Variants in EMP3 observed in about 807,000 individuals in gnomAD.
The protein encoded by EMP3 is epithelial membrane protein 3.
EMP3 carries 15 observed loss-of-function variants against 21.6 expected under a neutral mutation model. That is an observed-to-expected ratio of 0.69 (90% CI 0.46 to 1.07). The LOEUF (loss-of-function observed/expected upper bound fraction) is 1.07, where lower values mean the gene tolerates loss of function less well. Among genes scored for constraint, EMP3 ranks in the 50% least tolerant of loss-of-function variants. The probability of loss-of-function intolerance (pLI) is 0.00; values close to 1 mark genes in which losing one functional copy is unlikely to be tolerated. For synonymous variants in EMP3, 107 were observed against 86.1 expected (o/e 1.24, Z -1.34); for missense variants, 183 against 206.6 (o/e 0.89, Z 0.70).
Position 48,329,335 on chromosome 19 carries a change from T to G in EMP3, c.182-17T>G. The G allele has an allele frequency of 1.2e-6, 2 of 1,613,998 alleles. No individual in the cohort carries two copies. The highest frequency in any genetic ancestry group is 2.2e-5 in the South Asian group (2 of 91,080). ...GGACCCACGGTGATGTCCCCCTCTG[T>G]GTCCTCCTTACTGCAGGCTGGCTGA... On this transcript the variant is annotated splice_polypyrimidine_tract_variant and intron_variant, in intron 3 of 4. Transcript: ENST00000270221. The surrounding 1 kb of genome is among the most constrained non-coding windows in gnomAD (Gnocchi z 4.5).
intron 3 of EMP3, among the ~76,000 whole-genome samples, chr19:48,328,556 G>C (rs1444065517): frequency 2.0e-5 from 3 of 152,112 alleles, no homozygotes; most frequent in African/African-American, 7.2e-5. Flanking sequence ...AAGGGGATGG[G>C]GCTGAAACCA....
intron 2 of EMP3, among the ~76,000 whole-genome samples, 173 bp from the exon 3 acceptor site, chr19:48,327,348 G>T (rs573051045): frequency 7.2e-5 from 11 of 151,918 alleles, no homozygotes; most frequent in Non-Finnish European, 1.3e-4. Flanking sequence ...CTCTACCTCC[G>T]ATGCCTCCTC....
Position 48,329,490 on chromosome 19 carries a change from C to T in EMP3, c.320C>T (p.Thr107Ile), listed in dbSNP as rs144587503. ...FYATGLCQLCTSVAVFTGALI... is the reference protein window; with the variant it reads ...FYATGLCQLCISVAVFTGALI... ...GCCACCGGCCTCTGCCAGCTTTGCA[C>T]CAGTGAGCACTGCCCCTCCCCAACC... The change falls in exon 4 of 5, where the codon ACC becomes ATC. Residue 107 changes from threonine (T) to isoleucine (I), a missense_variant and splice_region_variant. Transcript: ENST00000270221. This position sits in a 1 kb window ranked among gnomAD's most constrained non-coding sequence, Gnocchi z 4.5. 3.1e-6 allele frequency: 5 copies of T among 1,614,070 alleles called. No homozygotes were observed. In the African/African-American group the frequency reaches 4.0e-5, roughly 13 times the overall value.
chr19:48,329,258 G>A lies in EMP3; in HGVS notation c.182-94G>A. ...TTGTATGGGCCTAAACGGGAGCAGG[G>A]ATGGGGCAGAGAAGGGTCACATGGT... On this transcript the variant is annotated intron_variant, in intron 3 of 4. Transcript: ENST00000270221. The surrounding 1 kb of genome is among the most constrained non-coding windows in gnomAD (Gnocchi z 4.5). The A allele has an allele frequency of 2.6e-6, 4 of 1,519,992 alleles. No homozygotes were observed. The highest frequency in any genetic ancestry group is 2.5e-5 in the South Asian group (2 of 81,480). The allele number at this position is 1,519,992 out of a possible 1,614,324, so 94.2% of individuals were successfully genotyped here.
At chr19:48,327,735 T>G in intron 3 of EMP3, 112 bp downstream of exon 3, 1 of 976,278 alleles carries the variant, frequency 1.0e-6, no homozygotes, top group Non-Finnish European at 1.6e-6. Context: ...GTGGGCGGGG[T>G]CCAGGCCTGA....
chr19:48,327,564 A>G lies in EMP3; in HGVS notation c.122A>G (p.Tyr41Cys). 1 of 1,613,872 alleles carries G rather than the reference A, an allele frequency of 6.2e-7. No individual in the cohort carries two copies. Among genetic ancestry groups the G allele is most frequent in the Non-Finnish European group, 8.5e-7 (1 of 1,179,952 alleles). ...LPGKESLNLW[Y>C]DCTWNNDTKT... is the part of the protein sequence containing the mutation. ...GGGAAAGAGTCCCTGAATCTCTGGT[A>G]CGACTGCACGTGGAACAACGACACC... The change falls in exon 3 of 5, where the codon TAC becomes TGC. Residue 41 changes from tyrosine (Y) to cysteine (C), a missense_variant. Coordinates refer to ENST00000270221, the MANE Select transcript of EMP3 (RefSeq NM_001425.3).
rs1268500610 is a variant in EMP3, at chr19:48,329,829, C to A, written c.322+337C>A. On this transcript the variant is annotated intron_variant, in intron 4 of 4. Coordinates refer to ENST00000270221, the MANE Select transcript of EMP3 (RefSeq NM_001425.3). The surrounding 1 kb of genome is among the most constrained non-coding windows in gnomAD (Gnocchi z 4.5). ...ACGTGGGGGGATAAACTAATTAGTA[C>A]CTCAGTAGAGAGCTCTAAATCATAA... 2.0e-5 allele frequency among the ~76,000 whole-genome samples: 3 copies of A among 152,102 alleles called. No individual in the cohort carries two copies. Among genetic ancestry groups the A allele is most frequent in the Non-Finnish European group, 4.4e-5 (3 of 68,034 alleles).
rs201392469 is a variant in EMP3, at chr19:48,327,565, C to G, written c.123C>G (p.Tyr41Ter). 1.0e-4 allele frequency: 168 copies of G among 1,613,834 alleles called. No homozygotes were observed. In the Middle Eastern group the frequency reaches 1.5e-3, roughly 14 times the overall value. Residue 41 changes from tyrosine (Y) to a stop codon, truncating the protein, a stop_gained, in exon 3 of 5, where the codon TAC (tyrosine) becomes TAG (stop). Coordinates refer to ENST00000270221, the MANE Select transcript of EMP3 (RefSeq NM_001425.3). LOFTEE classifies it high-confidence loss of function. ...LPGKESLNLW[Y>*]DCTWNNDTKT... ...GGAAAGAGTCCCTGAATCTCTGGTA[C>G]GACTGCACGTGGAACAACGACACCA... is the stretch of plus-strand genomic sequence containing the variant.
rs772609897 is a variant in EMP3, at chr19:48,330,551, C to A, written c.*81C>A. The A allele has an allele frequency of 1.6e-6, 2 of 1,287,640 alleles. No homozygotes were observed. The highest frequency in any genetic ancestry group is 2.1e-6 in the Non-Finnish European group (2 of 955,916). The allele number at this position is 1,287,640 out of a possible 1,614,324, so 79.8% of individuals were successfully genotyped here. A position where few individuals can be genotyped will look rare whatever the true frequency, so the allele number is the denominator to read the frequency against. On this transcript the variant is annotated 3_prime_UTR_variant, in exon 5 of 5. Transcript: ENST00000270221. ...CCTCCAAAAAATAAAACCTTAACCGCGGGCTCTGCCTTGATCTTCCTTCCT... is the reference window on the plus strand; with the variant it reads ...CCTCCAAAAAATAAAACCTTAACCGAGGGCTCTGCCTTGATCTTCCTTCCT...
chr19:48,327,774 TC>T (rs1270870805), intron 3 of EMP3, 151 bp downstream of exon 3: 1 of 646,164 alleles, frequency 1.5e-6, no homozygotes, highest in African/African-American at 1.8e-5. Flanking sequence ...CTAATGCATG[TC>T]CCGCCTGTCT....
intron 4 of EMP3, 49 bp from the exon 5 acceptor site, chr19:48,330,252 T>C (rs1969184531): frequency 6.7e-7 from 1 of 1,496,968 alleles, no homozygotes. Flanking sequence ...TATTGGGAAA[T>C]GTAGTCTTGA....
chr19:48,329,500 C>G lies in EMP3; in HGVS notation c.322+8C>G. 6.2e-7 allele frequency: 1 copy of G among 1,614,072 alleles called. No homozygotes were observed. Among genetic ancestry groups the G allele is most frequent in the Non-Finnish European group, 8.5e-7 (1 of 1,179,942 alleles). ...TCTGCCAGCTTTGCACCAGTGAGCACTGCCCCTCCCCAACCCTAATCCCCC... is the reference window on the plus strand; with the variant it reads ...TCTGCCAGCTTTGCACCAGTGAGCAGTGCCCCTCCCCAACCCTAATCCCCC... On this transcript the variant is annotated splice_region_variant and intron_variant, in intron 4 of 4. Coordinates refer to ENST00000270221, the MANE Select transcript of EMP3 (RefSeq NM_001425.3). The surrounding 1 kb of genome is among the most constrained non-coding windows in gnomAD (Gnocchi z 4.5).
Position 48,329,466 on chromosome 19 carries a change from C to T in EMP3, c.296C>T (p.Ala99Val), listed in dbSNP as rs1002281659. 3.1e-6 allele frequency: 5 copies of T among 1,614,048 alleles called. No individual in the cohort carries two copies. In the African/African-American group the frequency reaches 6.7e-5, roughly 22 times the overall value. ...ATGCGACGAGGAGGTCTCTTCTATG[C>T]CACCGGCCTCTGCCAGCTTTGCACC... ...YTMRRGGLFY[A>V]TGLCQLCTSV... Residue 99 changes from alanine to valine, a missense_variant, in exon 4 of 5, where the codon GCC becomes GTC. Transcript: ENST00000270221. The surrounding 1 kb of genome is among the most constrained non-coding windows in gnomAD (Gnocchi z 4.5).
chr19:48,329,603 C>T lies in EMP3; in HGVS notation c.322+111C>T, dbSNP rs927228005. 2.2e-6 allele frequency: 3 copies of T among 1,375,252 alleles called. No homozygotes were observed. The highest frequency in any genetic ancestry group is 2.9e-5 in the African/African-American group (2 of 68,968). 85.2% of individuals were successfully genotyped at this position (1,375,252 alleles called of 1,614,324 possible). ...ATGGGCCTCTCGTAGAAAAAAACAACTTTCAACACCCCACGAGCCACAAGA... is the reference window on the plus strand; with the variant it reads ...ATGGGCCTCTCGTAGAAAAAAACAATTTTCAACACCCCACGAGCCACAAGA... On this transcript the variant is annotated intron_variant, in intron 4 of 4. Coordinates refer to ENST00000270221, the MANE Select transcript of EMP3 (RefSeq NM_001425.3). This position sits in a 1 kb window ranked among gnomAD's most constrained non-coding sequence, Gnocchi z 4.5.
At chr19:48,325,980 CTT>C (rs1250989543) in intron 1 of EMP3, 1 of 152,350 alleles carries the variant, frequency 6.6e-6, no homozygotes, top group Non-Finnish European at 1.5e-5. Context: ...TTGGGCCTCT[CTT>C]CCCCCCAGCG....
In EMP3 at chr19:48,326,816, C is replaced by T. The variant is rs781141467; in HGVS notation, c.-15-14C>T. On this transcript the variant is annotated splice_polypyrimidine_tract_variant and intron_variant, in intron 1 of 4. Transcript: ENST00000270221. ...CAACCTCTTGAGACTCCGTCCCCTGCTCCCCCTCCCCAGGCTTCCACTGCA... is the reference window on the plus strand; with the variant it reads ...CAACCTCTTGAGACTCCGTCCCCTGTTCCCCCTCCCCAGGCTTCCACTGCA... 1 of 1,610,200 alleles carries T rather than the reference C, an allele frequency of 6.2e-7. No individual in the cohort carries two copies. Among genetic ancestry groups the T allele is most frequent in the Non-Finnish European group, 8.5e-7 (1 of 1,176,694 alleles).
Position 48,329,227 on chromosome 19 carries a change from C to A in EMP3, c.182-125C>A. 1 of 1,180,002 alleles carries A rather than the reference C, an allele frequency of 8.5e-7. No individual in the cohort carries two copies. The highest frequency in any genetic ancestry group is 1.2e-6 in the Non-Finnish European group (1 of 837,176). 73.1% of individuals were successfully genotyped at this position (1,180,002 alleles called of 1,614,324 possible). A position where few individuals can be genotyped will look rare whatever the true frequency, so the allele number is the denominator to read the frequency against. ...CAAAATAAGTGATACATCTAAGTAT[C>A]TAGGCTTGTATGGGCCTAAACGGGA... On this transcript the variant is annotated intron_variant, in intron 3 of 4. Coordinates refer to ENST00000270221, the MANE Select transcript of EMP3 (RefSeq NM_001425.3). This position sits in a 1 kb window ranked among gnomAD's most constrained non-coding sequence, Gnocchi z 4.5.
chr19:48,329,411 T>A lies in EMP3; in HGVS notation c.241T>A (p.Phe81Ile). 6.2e-7 allele frequency: 1 copy of A among 1,612,834 alleles called. No individual in the cohort carries two copies. Among genetic ancestry groups the A allele is most frequent in the Non-Finnish European group, 8.5e-7 (1 of 1,179,564 alleles). Residue 81 changes from phenylalanine (F) to isoleucine (I), a missense_variant, in exon 4 of 5, where the codon TTC (phenylalanine) becomes ATC (isoleucine). Coordinates refer to ENST00000270221, the MANE Select transcript of EMP3 (RefSeq NM_001425.3). This position sits in a 1 kb window ranked among gnomAD's most constrained non-coding sequence, Gnocchi z 4.5. The part of the protein sequence containing the change: ...VLSLILCCLS[F>I]ILFMFQLYTM... ...CTCCCTCATTCTCTGCTGTCTCTCC[T>A]TCATCCTGTTCATGTTCCAGCTCTA...
At position 48,326,811 on chromosome 19, in the gene EMP3, C is replaced by T. The variant is rs1242506538; in HGVS notation, c.-15-19C>T. ...TGTGCCAACCTCTTGAGACTCCGTC[C>T]CCTGCTCCCCCTCCCCAGGCTTCCA... On this transcript the variant is annotated intron_variant, in intron 1 of 4. Coordinates refer to ENST00000270221, the MANE Select transcript of EMP3 (RefSeq NM_001425.3). 6.2e-7 allele frequency: 1 copy of T among 1,607,704 alleles called. No individual in the cohort carries two copies. Among genetic ancestry groups the T allele is most frequent in the South Asian group, 1.1e-5 (1 of 90,958 alleles).
Sources: gnomAD v4.1 joint callset for allele counts (sites outside exome capture counted in the v4.1 genomes callset) on GRCh38, gnomAD v4.1.1 for gene constraint, Gnocchi (gnomAD v3.1) non-coding constraint, MANE v1.5 for transcripts, NCBI Gene and HGNC (gene_info 2026-07-23, HGNC 2026-07-21) for gene names.